GIGYF2: variants seen among roughly 807,000 people sequenced by gnomAD.
GIGYF2 encodes GRB10 interacting GYF protein 2.
In GIGYF2, 25 loss-of-function variants were observed where a neutral mutation model predicts 208.1. The ratio of observed to expected loss-of-function variants is 0.12; its 90% CI spans 0.09 to 0.17. The LOEUF (loss-of-function observed/expected upper bound fraction) is 0.17, where lower values mean the gene tolerates loss of function less well. Among genes scored for constraint, GIGYF2 ranks in the 10% least tolerant of loss-of-function variants. The pLI is 1.00. For synonymous variants in GIGYF2, 534 were observed against 543.8 expected, an observed-to-expected ratio of 0.98 and a Z score of 0.25; for missense variants, 1,302 against 1,579.4, an observed-to-expected ratio of 0.82 and a Z score of 2.98.
chr2:232,817,098 C>G lies in GIGYF2; in HGVS notation c.2370+66C>G. 5.2e-6 allele frequency: 6 copies of G among 1,156,574 alleles called. No homozygotes were observed. In the South Asian group the frequency reaches 7.3e-5, roughly 14 times the overall value. The allele number at this position is 1,156,574 out of a possible 1,614,324, so 71.6% of individuals were successfully genotyped here. On this transcript the variant is annotated intron_variant, in intron 20 of 28. Transcript: ENST00000373563. ...TGAGGGCTTTCAGGCTGCTTTCTTT[C>G]ATCATTTCACAGATACTCCTGAAGT...
chr2:232,732,681 C>T (rs547391870), intron 2 of GIGYF2, among the ~76,000 whole-genome samples: 1 of 151,152 alleles, frequency 6.6e-6, no homozygotes, highest in South Asian at 2.1e-4. Context: ...TGCTCTGTTG[C>T]CCAGGCTGGA....
At chr2:232,805,391 A>G (rs971461065) in intron 14 of GIGYF2, among the ~76,000 whole-genome samples, 1 of 152,034 alleles carries the variant, frequency 6.6e-6, no homozygotes, top group Non-Finnish European at 1.5e-5. Flanking sequence ...TGTTTGGTGC[A>G]TACATATTAC....
At chr2:232,786,472 C>G (rs185979494) in intron 8 of GIGYF2, among the ~76,000 whole-genome samples, 5 of 152,130 alleles carry the variant, frequency 3.3e-5, no homozygotes, top group African/African-American at 1.2e-4. Flanking sequence ...CTCCTGACCT[C>G]GTGATCCACC....
intron 5 of GIGYF2, among the ~76,000 whole-genome samples, chr2:232,752,818 G>T (rs890159275): frequency 4.6e-5 from 7 of 152,104 alleles, no homozygotes; most frequent in Non-Finnish European, 7.4e-5. Context: ...GGGATTACAG[G>T]CATGAGCCAC....
At chr2:232,730,680 C>T (rs542702981) in intron 2 of GIGYF2, among the ~76,000 whole-genome samples, 72 of 147,514 alleles carry the variant, frequency 4.9e-4, no homozygotes, top group Non-Finnish European at 7.3e-4. Flanking sequence ...GGGCGGATCA[C>T]GAGGTCAGGA....
intron 8 of GIGYF2, chr2:232,768,638 T>G (rs1559416085): frequency 6.2e-7 from 1 of 1,614,144 alleles, no homozygotes; most frequent in Non-Finnish European, 8.5e-7. Context: ...TGCCATTTTC[T>G]CTTTCCTGAT....
intron 8 of GIGYF2, chr2:232,761,678 A>G: frequency 3.0e-6 from 1 of 332,586 alleles, no homozygotes; most frequent in East Asian, 5.4e-5. Context: ...TGAAGACTCA[A>G]GTTAGGAACC....
chr2:232,838,472 C>T (rs1701719012), intron 22 of GIGYF2, among the ~76,000 whole-genome samples: 1 of 152,172 alleles, frequency 6.6e-6, no homozygotes, highest in African/African-American at 2.4e-5. Flanking sequence ...CTGAGTTCTG[C>T]TGAAGCGGGC....
At chr2:232,749,952 A>T (rs1392928281) in intron 5 of GIGYF2, among the ~76,000 whole-genome samples, 1 of 152,128 alleles carries the variant, frequency 6.6e-6, no homozygotes. Context: ...TGGGAGGCCG[A>T]GGTGGGCGGA....
chr2:232,839,720 A>G (rs921751847), intron 22 of GIGYF2, 129 bp from the exon 23 acceptor site: 1 of 971,270 alleles, frequency 1.0e-6, no homozygotes, highest in Admixed American at 2.0e-5. Context: ...GAAGAAGGAA[A>G]TTTGAATTGA....
At chr2:232,729,819 T>C in intron 2 of GIGYF2, 1 of 745,740 alleles carries the variant, frequency 1.3e-6, no homozygotes. Context: ...CTTTCTTCGA[T>C]TCATATTGTG....
rs1393798666 is a variant in GIGYF2, at chr2:232,836,391, TAA to T, written c.2766+3300_2766+3301del. 5.0e-3 allele frequency among the ~76,000 whole-genome samples: 415 copies of T among 82,770 alleles called. 14 individuals carry two copies. Among genetic ancestry groups the T allele is most frequent in the African/African-American group, 0.018 (309 of 17,436 alleles). 54.3% of individuals were successfully genotyped at this position (82,770 alleles called of 152,430 possible). On this transcript the variant is annotated intron_variant, in intron 22 of 28. Coordinates refer to ENST00000373563, the MANE Select transcript of GIGYF2 (RefSeq NM_001103146.3). ...AAATATATATAAATATAAATATATA[TAA>T]ATATAAATATATATATAAATAAATT...
chr2:232,822,914 T>G (rs561964801), intron 21 of GIGYF2, among the ~76,000 whole-genome samples: 5 of 152,332 alleles, frequency 3.3e-5, no homozygotes, highest in African/African-American at 1.2e-4. Context: ...GGTTAAAATG[T>G]ATAATAGCCT....
At chr2:232,701,081 T>C (rs767176016) in intron 1 of GIGYF2, among the ~76,000 whole-genome samples, 5 of 152,122 alleles carry the variant, frequency 3.3e-5, no homozygotes, top group Non-Finnish European at 7.4e-5. Context: ...CTTTATTGAA[T>C]TGCCTATAGT....
At position 232,793,695 on chromosome 2, in the gene GIGYF2, G is replaced by C. The variant is rs190542675; in HGVS notation, c.1283-1053G>C. Among the ~76,000 whole-genome samples the C allele has an allele frequency of 6.9e-4, 105 of 152,280 alleles. 2 individuals are homozygous for C. The highest frequency in any genetic ancestry group is 2.2e-4 in the Non-Finnish European group (15 of 68,022). On this transcript the variant is annotated intron_variant, in intron 12 of 28. Transcript: ENST00000373563. ...TGAAAAGATTGCATATACTTAGTAG[G>C]GGTAAGAAGAAAAGAACTTTGAGTA...
Position 232,739,372 on chromosome 2 carries a change from C to A in GIGYF2, c.41+4134C>A, listed in dbSNP as rs781397030. ...GGCAACAAAAGCAAACCCCCCCCCC[C>A]CCGCAAAAAAAAAGAAAAGGGTTAG... On this transcript the variant is annotated intron_variant, in intron 3 of 28. Transcript: ENST00000373563. Among the ~76,000 whole-genome samples the A allele has an allele frequency of 1.9e-4, 24 of 126,566 alleles. 2 individuals carry two copies. The highest frequency in any genetic ancestry group is 1.3e-3 in the Admixed American group (17 of 12,666). The allele number at this position is 126,566 out of a possible 152,430, so 83.0% of individuals were successfully genotyped here.
Position 232,819,808 on chromosome 2 carries a change from C to A in GIGYF2, c.2371-19C>A. The A allele has an allele frequency of 2.1e-5, 9 of 425,540 alleles. No individual in the cohort carries two copies. The highest frequency in any genetic ancestry group is 5.5e-4 in the Middle Eastern group (1 of 1,832). The allele number at this position is 425,540 out of a possible 1,614,324, so 26.4% of individuals were successfully genotyped here. ...CTGAGTCCCTCCCCCACCCCCCACC[C>A]TCCATCTTTTTTCCTTAGGAAGAGG... On this transcript the variant is annotated intron_variant, in intron 20 of 28. Transcript: ENST00000373563.
Position 232,794,742 on chromosome 2 carries a change from C to T in GIGYF2, c.1283-6C>T. ...AAAGGATTTTCATCTGATTTTTTCC[C>T]CCTAGAAATGGTTGCTGATGTCCAG... On this transcript the variant is annotated splice_polypyrimidine_tract_variant and splice_region_variant and intron_variant, in intron 12 of 28. Transcript: ENST00000373563. 6.2e-7 allele frequency: 1 copy of T among 1,609,724 alleles called. No homozygotes were observed. The highest frequency in any genetic ancestry group is 1.7e-5 in the Admixed American group (1 of 59,988).
intron 5 of GIGYF2, among the ~76,000 whole-genome samples, chr2:232,753,920 C>A (rs1249552096): frequency 1.3e-5 from 2 of 152,106 alleles, no homozygotes; most frequent in Non-Finnish European, 2.9e-5. Context: ...AATCCCAGCA[C>A]TTTGGGAGGC....
Sources: allele counts gnomAD v4.1 joint callset (sites outside exome capture counted in the v4.1 genomes callset), GRCh38; gene constraint gnomAD v4.1.1; transcripts MANE v1.5; gene names NCBI Gene and HGNC (gene_info 2026-07-23, HGNC 2026-07-21).